Variants in ELAVL4 observed in about 807,000 individuals in gnomAD.
ELAVL4 encodes the protein ELAV-like protein 4.
Under a neutral mutation model 35.6 loss-of-function variants are expected in ELAVL4, and 1 was observed. That is an observed-to-expected ratio of 0.03 (90% confidence interval 0.01 to 0.13). The LOEUF is 0.13. Ranked by LOEUF, ELAVL4 falls within the 10% of genes least tolerant of loss-of-function variation. The pLI is 1.00. For synonymous variants in ELAVL4, 156 were observed against 171.0 expected, an observed-to-expected ratio of 0.91 and a Z score of 0.69; for missense variants, 267 against 464.9, an observed-to-expected ratio of 0.57 and a Z score of 3.91.
chr1:50,143,476 G>A (rs1017971102), intron 1 of ELAVL4, among the ~76,000 whole-genome samples: 6 of 152,146 alleles, frequency 3.9e-5, no homozygotes, highest in African/African-American at 1.4e-4. Context: ...AGTGATTGTG[G>A]TTATGTGCCC....
chr1:50,100,371 G>C (rs1665917876), upstream of ELAVL4, among the ~76,000 whole-genome samples: 1 of 152,182 alleles, frequency 6.6e-6, no homozygotes, highest in Non-Finnish European at 1.5e-5. Context: ...GGTTGGAATA[G>C]ATTCAGAGGA....
chr1:50,137,955 A>T lies in ELAVL4; in HGVS notation c.10-7002A>T, dbSNP rs188780840. ...GAATAGTGCTGAGTGCTCCATGTAC[A>T]TTATCTCACTGAGTCCTTTTTATAC... On this transcript the variant is annotated intron_variant, in intron 1 of 6. Coordinates refer to ENST00000371824, the MANE Select transcript of ELAVL4 (RefSeq NM_001144774.3). 7.1e-3 allele frequency among the ~76,000 whole-genome samples: 1,079 copies of T among 152,280 alleles called. 11 individuals are homozygous for T. Among genetic ancestry groups the T allele is most frequent in the Non-Finnish European group, 0.012 (784 of 68,014 alleles).
intron 2 of ELAVL4, chr1:50,176,016 C>G (rs1025520652): frequency 6.6e-6 from 1 of 152,210 alleles, no homozygotes; most frequent in Admixed American, 6.5e-5. Context: ...CCACCCCAAG[C>G]TCTGTGTTTC....
intron 6 of ELAVL4, 74 bp downstream of exon 6, chr1:50,197,541 C>A: frequency 7.7e-7 from 1 of 1,306,200 alleles, no homozygotes. Flanking sequence ...TTTTTTAATT[C>A]ACTAACTTTA....
chr1:50,166,288 A>T (rs568059813), intron 2 of ELAVL4, among the ~76,000 whole-genome samples: 1 of 152,320 alleles, frequency 6.6e-6, no homozygotes, highest in East Asian at 1.9e-4. Context: ...TAATAAGCTC[A>T]TGATTACACC....
chr1:50,152,560 T>G (rs1674983985), intron 2 of ELAVL4, among the ~76,000 whole-genome samples: 1 of 152,184 alleles, frequency 6.6e-6, no homozygotes, highest in African/African-American at 2.4e-5. Context: ...ATTCATCAGC[T>G]TCAGGGTAGG....
At chr1:50,182,498 G>C (rs1681203305) in intron 3 of ELAVL4, among the ~76,000 whole-genome samples, 1 of 152,214 alleles carries the variant, frequency 6.6e-6, no homozygotes, top group South Asian at 2.1e-4. Flanking sequence ...CTAAAGCAGT[G>C]GGACAGGGCA....
In ELAVL4 at chr1:50,203,459, T is replaced by A. The variant is rs1215943286; in HGVS notation, c.*2281T>A. On this transcript the variant is annotated 3_prime_UTR_variant, in exon 7 of 7. Coordinates refer to ENST00000371824, the MANE Select transcript of ELAVL4 (RefSeq NM_001144774.3). ...CACTCGTTCAACATTCAGGGAAAGC[T>A]TTTTACGTCACCTGCTATGAATGAA... is the stretch of plus-strand genomic sequence containing the variant. 1 of 152,120 alleles carries A rather than the reference T, an allele frequency of 6.6e-6. No homozygotes were observed. Among genetic ancestry groups the A allele is most frequent in the East Asian group, 1.9e-4 (1 of 5,186 alleles). The allele number at this position is 152,120 out of a possible 1,614,324, so 9.4% of individuals were successfully genotyped here.
intron 3 of ELAVL4, among the ~76,000 whole-genome samples, chr1:50,182,034 A>G (rs1681121275): frequency 6.6e-6 from 1 of 152,208 alleles, no homozygotes; most frequent in African/African-American, 2.4e-5. Flanking sequence ...GACTCTGCAA[A>G]TGGCTGTGGA....
chr1:50,202,177 G>A lies in ELAVL4; in HGVS notation c.*999G>A, dbSNP rs187129665. 7.2e-5 allele frequency: 11 copies of A among 152,158 alleles called. No homozygotes were observed. In the East Asian group the frequency reaches 1.2e-3, roughly 16 times the overall value. The allele number at this position is 152,158 out of a possible 1,614,324, so 9.4% of individuals were successfully genotyped here. ...TAATTACTAGGGGAAAGGAGTGTTC[G>A]TTCTACCCAGGGTACCACAGTTCCC... On this transcript the variant is annotated 3_prime_UTR_variant, in exon 7 of 7. Transcript: ENST00000371824.
chr1:50,185,133 C>T (rs534726695), intron 3 of ELAVL4, among the ~76,000 whole-genome samples: 11 of 152,228 alleles, frequency 7.2e-5, no homozygotes, highest in African/African-American at 1.4e-4. Flanking sequence ...AGTGGCCCTG[C>T]GGATTAAAGA....
intron 1 of ELAVL4, among the ~76,000 whole-genome samples, chr1:50,126,131 G>C (rs1424609739): frequency 1.3e-5 from 2 of 152,076 alleles, no homozygotes; most frequent in South Asian, 4.1e-4. Context: ...CTCACAGGGA[G>C]AGAAGAGAAA....
intron 1 of ELAVL4, among the ~76,000 whole-genome samples, chr1:50,114,341 G>T (rs1043125954): frequency 6.6e-6 from 1 of 152,008 alleles, no homozygotes; most frequent in African/African-American, 2.4e-5. Context: ...TAACATCTGT[G>T]CTTTGCTTTG....
At position 50,197,039 on chromosome 1, in the gene ELAVL4, G is replaced by T. The variant is rs1644100878; in HGVS notation, c.735-390G>T. ...GATACATATTGTGTGCCTGTGTATT[G>T]TTAATCTGGAACAGAGACCTTTATT... On this transcript the variant is annotated intron_variant, in intron 5 of 6. Coordinates refer to ENST00000371824, the MANE Select transcript of ELAVL4 (RefSeq NM_001144774.3). Among the ~76,000 whole-genome samples, 6 of 152,316 alleles carry T rather than the reference G, an allele frequency of 3.9e-5. No homozygotes were observed. In the South Asian group the frequency reaches 1.2e-3, roughly 32 times the overall value.
At chr1:50,099,617 C>A (rs1052531891), upstream of ELAVL4, among the ~76,000 whole-genome samples, 15 of 149,468 alleles carry the variant, frequency 1.0e-4, no homozygotes. Context: ...GAACTATAAT[C>A]CATTGAATGC....
At chr1:50,100,477 A>AT (rs1252397483), upstream of ELAVL4, among the ~76,000 whole-genome samples, 1 of 152,028 alleles carries the variant, frequency 6.6e-6, no homozygotes, top group African/African-American at 2.4e-5. Context: ...AATATTCTGC[A>AT]TTTTCCTAGC....
intron 2 of ELAVL4, among the ~76,000 whole-genome samples, chr1:50,155,934 CGAGA>C: frequency 6.6e-6 from 1 of 152,098 alleles, no homozygotes. Context: ...CCTCTAAGTA[CGAGA>C]GAGAGACAGC....
intron 2 of ELAVL4, among the ~76,000 whole-genome samples, chr1:50,172,236 A>G (rs990930199): frequency 2.6e-5 from 4 of 152,198 alleles, no homozygotes; most frequent in African/African-American, 9.7e-5. Context: ...AGCTACGTCT[A>G]TCCAGAATGG....
At chr1:50,143,852 G>A (rs543658892) in intron 1 of ELAVL4, among the ~76,000 whole-genome samples, 14 of 152,224 alleles carry the variant, frequency 9.2e-5, no homozygotes, top group Non-Finnish European at 1.5e-4. Context: ...GCTTCATCTC[G>A]AATGTGAGTG....
Sources: allele counts gnomAD v4.1 joint callset (sites outside exome capture counted in the v4.1 genomes callset), GRCh38; gene constraint gnomAD v4.1.1; transcripts MANE v1.5; gene names NCBI Gene and HGNC (gene_info 2026-07-23, HGNC 2026-07-21).